IL1RL1: variants seen among roughly 807,000 people sequenced by gnomAD.
The protein encoded by IL1RL1 is interleukin-1 receptor-like 1.
Under a neutral mutation model 50.9 loss-of-function variants are expected in IL1RL1, and 32 were observed. The ratio of observed to expected loss-of-function variants is 0.63; its 90% CI spans 0.47 to 0.84. The LOEUF is 0.84. Among genes scored for constraint, IL1RL1 ranks in the 40% least tolerant of loss-of-function variants. IL1RL1 has a pLI of 0.00. For synonymous variants in IL1RL1, 275 were observed against 236.0 expected, an observed-to-expected ratio of 1.17 and a Z score of -1.51; for missense variants, 773 against 662.9, an observed-to-expected ratio of 1.17 and a Z score of -1.82.
intron 1 of IL1RL1, among the ~76,000 whole-genome samples, chr2:102,332,701 CG>C (rs1486091497): frequency 6.6e-6 from 1 of 151,852 alleles, no homozygotes; most frequent in African/African-American, 2.4e-5. Context: ...GGGTTATACT[CG>C]GGGATGGTGA....
chr2:102,332,306 G>C (rs1395985363), intron 1 of IL1RL1, among the ~76,000 whole-genome samples: 1 of 152,164 alleles, frequency 6.6e-6, no homozygotes, highest in African/African-American at 2.4e-5. Context: ...TGGGAGAGGA[G>C]ACATTGCAAT....
At chr2:102,338,475 C>A in intron 2 of IL1RL1, 150 bp downstream of exon 2, 1 of 544,604 alleles carries the variant, frequency 1.8e-6, no homozygotes, top group South Asian at 2.8e-5. Context: ...TTTTTCATTA[C>A]AAATCTATCA....
chr2:102,325,939 T>C (rs1676985498), intron 1 of IL1RL1, among the ~76,000 whole-genome samples: 1 of 152,192 alleles, frequency 6.6e-6, no homozygotes. Flanking sequence ...CAGGGTATTA[T>C]CCAGGAGAAC....
chr2:102,319,959 G>A (rs773866793), intron 1 of IL1RL1, among the ~76,000 whole-genome samples: 9 of 152,320 alleles, frequency 5.9e-5, no homozygotes, highest in Non-Finnish European at 1.0e-4. Context: ...AAAGTGCTGG[G>A]ATTACTGGTG....
At chr2:102,347,835 G>T (rs754280055) in intron 8 of IL1RL1, 110 bp from the exon 9 acceptor site, 14 of 646,338 alleles carry the variant, frequency 2.2e-5, no homozygotes, top group African/African-American at 3.6e-5. Context: ...TTCCCAGTGG[G>T]TATATCTTAT....
chr2:102,336,711 G>A (rs1677339719), intron 1 of IL1RL1, among the ~76,000 whole-genome samples: 1 of 151,794 alleles, frequency 6.6e-6, no homozygotes, highest in African/African-American at 2.4e-5. Context: ...CTTCATCCAG[G>A]CAGAGAGGCC....
chr2:102,322,670 C>A (rs931479628), intron 1 of IL1RL1, among the ~76,000 whole-genome samples: 4 of 152,252 alleles, frequency 2.6e-5, no homozygotes, highest in African/African-American at 7.2e-5. Context: ...AACTAATATT[C>A]AATTAAAAGC....
chr2:102,325,446 C>T (rs1221614623), intron 1 of IL1RL1, among the ~76,000 whole-genome samples: 1 of 152,066 alleles, frequency 6.6e-6, no homozygotes, highest in Non-Finnish European at 1.5e-5. Flanking sequence ...TCAGAGCACC[C>T]CTCCTCCTCC....
chr2:102,341,339 A>G, intron 5 of IL1RL1: 1 of 1,235,134 alleles, frequency 8.1e-7, no homozygotes, highest in Non-Finnish European at 1.0e-6. Flanking sequence ...AATACTTTCA[A>G]CATCATCAAT....
intron 6 of IL1RL1, 92 bp downstream of exon 6, chr2:102,342,386 A>G (rs548308826): frequency 1.2e-5 from 10 of 866,444 alleles, no homozygotes; most frequent in Admixed American, 3.8e-5. Context: ...GGGTCAGGCA[A>G]TTAGCATAAG....
At chr2:102,350,724 G>A (rs998142161) in intron 10 of IL1RL1, among the ~76,000 whole-genome samples, 1 of 59,790 alleles carries the variant, frequency 1.7e-5, no homozygotes, top group African/African-American at 1.6e-4. Flanking sequence ...GTCAGAGGGT[G>A]GTCATGTACC....
intron 1 of IL1RL1, among the ~76,000 whole-genome samples, chr2:102,329,388 A>T (rs1266811584): frequency 6.6e-6 from 1 of 152,232 alleles, no homozygotes; most frequent in Admixed American, 6.5e-5. Flanking sequence ...TAAAAACCCT[A>T]GAAGAAAACC....
At chr2:102,314,296 C>T (rs1372791750) in intron 1 of IL1RL1, among the ~76,000 whole-genome samples, 1 of 152,198 alleles carries the variant, frequency 6.6e-6, no homozygotes. Flanking sequence ...CAATCTTGTA[C>T]TTCCAACCAA....
chr2:102,344,864 A>T, intron 8 of IL1RL1: 1 of 966,004 alleles, frequency 1.0e-6, no homozygotes, highest in Non-Finnish European at 1.2e-6. Flanking sequence ...CAAATTGTTT[A>T]TTGCTTCCCT....
At position 102,329,649 on chromosome 2, in the gene IL1RL1, A is replaced by G. The variant is rs561467513; in HGVS notation, c.-149-8467A>G. 4.6e-5 allele frequency among the ~76,000 whole-genome samples: 7 copies of G among 152,314 alleles called. No homozygotes were observed. The East Asian group carries it at 1.2e-3, about 25-fold the overall frequency. Reference sequence around the variant, plus strand: ...ACTCAAACAAATTTACAAGAAAAAAACAAACAACCCCATCAAAAAGTGGGC... The same window carrying G: ...ACTCAAACAAATTTACAAGAAAAAAGCAAACAACCCCATCAAAAAGTGGGC... On this transcript the variant is annotated intron_variant, in intron 1 of 10. Coordinates refer to ENST00000233954, the MANE Select transcript of IL1RL1 (RefSeq NM_016232.5).
At position 102,351,537 on chromosome 2, in the gene IL1RL1, T is replaced by G; in HGVS notation, c.1287T>G (p.Asp429Glu). 1.2e-6 allele frequency: 2 copies of G among 1,612,856 alleles called. No homozygotes were observed. Among genetic ancestry groups the G allele is most frequent in the East Asian group, 4.5e-5 (2 of 44,868 alleles). Residue 429 changes from aspartate to glutamate, a missense_variant and splice_region_variant, in exon 11 of 11, where the codon GAT becomes GAG. Transcript: ENST00000233954. ...CTGATCTATTTCTTGTATGACTAGA[T>G]GTAGTCACTGCAGTGGAAACCAACA... ...IYGRDMLPGE[D>E]VVTAVETNIR...
downstream of IL1RL1, among the ~76,000 whole-genome samples, chr2:102,352,247 C>A (rs112099741): frequency 1.4e-5 from 2 of 146,684 alleles, no homozygotes; most frequent in Non-Finnish European, 3.0e-5. Context: ...TCATTCTTGT[C>A]AATAATCTGA....
chr2:102,313,598 A>G (rs1237262249), intron 1 of IL1RL1, among the ~76,000 whole-genome samples: 3 of 152,084 alleles, frequency 2.0e-5, no homozygotes, highest in Non-Finnish European at 4.4e-5. Context: ...TTGTCCTATA[A>G]TCACAAGGGT....
At chr2:102,321,595 G>A (rs1025638987) in intron 1 of IL1RL1, among the ~76,000 whole-genome samples, 6 of 152,104 alleles carry the variant, frequency 3.9e-5, no homozygotes, top group Admixed American at 6.6e-5. Flanking sequence ...TTTATGGTCC[G>A]AGTAATTACT....
Sources: gnomAD v4.1 joint callset for allele counts (sites outside exome capture counted in the v4.1 genomes callset) on GRCh38, gnomAD v4.1.1 for gene constraint, MANE v1.5 for transcripts, NCBI Gene and HGNC (gene_info 2026-07-23, HGNC 2026-07-21) for gene names.